The following COL12A1 variants were observed in gnomAD, a reference collection of about 807,000 sequenced individuals.
COL12A1 encodes the protein collagen alpha-1(XII) chain.
A neutral mutation model predicts 349.7 loss-of-function variants in COL12A1; 114 were observed. The ratio of observed to expected loss-of-function variants is 0.33; its 90% confidence interval spans 0.28 to 0.38. The LOEUF (loss-of-function observed/expected upper bound fraction) is 0.38. Among genes scored for constraint, COL12A1 ranks in the 10% least tolerant of loss-of-function variants. COL12A1 has a pLI of 1.00. For missense variants in COL12A1, 3,284 were observed against 3,756.9 expected (o/e 0.87, Z 3.29); for synonymous variants, 1,369 against 1,329.0 (o/e 1.03, Z -0.66).
At chr6:75,125,485 T>C (rs1324995146) in intron 39 of COL12A1, among the ~76,000 whole-genome samples, 1 of 152,172 alleles carries the variant, frequency 6.6e-6, no homozygotes. Context: ...TCTCAAAGCA[T>C]AGCACAGTAT....
At chr6:75,130,679 G>A (rs1002852711) in intron 36 of COL12A1, among the ~76,000 whole-genome samples, 173 bp downstream of exon 36, 3 of 152,058 alleles carry the variant, frequency 2.0e-5, no homozygotes, top group South Asian at 2.1e-4. Context: ...AGAAGTTCAC[G>A]TCACACAAAC....
At position 75,189,581 on chromosome 6, in the gene COL12A1, A is replaced by ATTT; in HGVS notation, c.626_628dup (p.Lys209dup). 1 of 1,612,632 alleles carries ATTT rather than the reference A, an allele frequency of 6.2e-7. No homozygotes were observed. The highest frequency in any genetic ancestry group is 8.5e-7 in the Non-Finnish European group (1 of 1,179,182). On this transcript the variant is annotated inframe_insertion, in exon 6 of 66. Coordinates refer to ENST00000322507, the MANE Select transcript of COL12A1 (RefSeq NM_004370.6). ...CATTGTGTTGCCACCTTTATATGGA[A>ATTT]TTTTTTTTATTGCAGCAAGAAGTTC...
chr6:75,134,784 G>A lies in COL12A1; in HGVS notation c.5466C>T (p.Thr1822=), dbSNP rs373978519. The A allele has an allele frequency of 5.3e-5, 85 of 1,613,086 alleles. 1 individual carries two copies. The highest frequency in any genetic ancestry group is 1.5e-4 in the African/African-American group (11 of 74,876). The change falls in exon 32 of 66, where the codon ACC becomes ACT. Residue 1822 remains threonine (T), a synonymous_variant. Transcript: ENST00000322507. The part of the protein sequence containing the change: ...KLKPDTPYTI[T]VSSLYPDGEG... Reference sequence around the variant, plus strand: ...CACCATCAGGATACAGAGAGGATACGGTGATAGTGTAAGGAGTGTCTGGCT... The same window carrying A: ...CACCATCAGGATACAGAGAGGATACAGTGATAGTGTAAGGAGTGTCTGGCT...
rs1314518223 is a variant in COL12A1, at chr6:75,137,289, A to G, written c.5394+148T>C. Reference sequence around the variant, plus strand: ...ATGATGGCAATCCACGTGGAGTGCCAGCTAAAGAGTCAGATTATTCCATCC... The same window carrying G: ...ATGATGGCAATCCACGTGGAGTGCCGGCTAAAGAGTCAGATTATTCCATCC... On this transcript the variant is annotated intron_variant, in intron 31 of 65. Coordinates refer to ENST00000322507, the MANE Select transcript of COL12A1 (RefSeq NM_004370.6). 5.6e-6 allele frequency: 4 copies of G among 708,362 alleles called. No homozygotes were observed. The East Asian group carries it at 8.6e-5, about 15-fold the overall frequency. 43.9% of individuals were successfully genotyped at this position (708,362 alleles called of 1,614,324 possible).
intron 36 of COL12A1, among the ~76,000 whole-genome samples, chr6:75,130,649 C>T (rs1582098283): frequency 6.6e-6 from 1 of 152,040 alleles, no homozygotes; most frequent in Non-Finnish European, 1.5e-5. Context: ...ACTCATGTCC[C>T]AAATGAGAAC....
chr6:75,131,281 A>G (rs1016725065), intron 35 of COL12A1, among the ~76,000 whole-genome samples: 1 of 152,184 alleles, frequency 6.6e-6, no homozygotes, highest in Non-Finnish European at 1.5e-5. Flanking sequence ...TCCCCAAAAA[A>G]CATCCTGCAT....
Position 75,152,117 on chromosome 6 carries a change from C to A in COL12A1, c.3835+14G>T. 1 of 1,613,806 alleles carries A rather than the reference C, an allele frequency of 6.2e-7. No homozygotes were observed. The highest frequency in any genetic ancestry group is 2.2e-5 in the East Asian group (1 of 44,872). On this transcript the variant is annotated intron_variant, in intron 19 of 65. Transcript: ENST00000322507. ...AAGCATGAGCTGAAAGACTGTCAGA[C>A]AGTCCTTACTCACCTGTGAGAGTAT... is the stretch of plus-strand genomic sequence containing the variant.
chr6:75,203,243 C>T lies in COL12A1; in HGVS notation c.-35-416G>A, dbSNP rs572924795. ...CTGATGAACTCTTTAGGTAACTGTA[C>T]TTTAGTGGTCTCAGGGTAATTTGGA... is the stretch of plus-strand genomic sequence containing the variant. On this transcript the variant is annotated intron_variant, in intron 1 of 65. Transcript: ENST00000322507. Among the ~76,000 whole-genome samples the T allele has an allele frequency of 2.1e-4, 32 of 152,242 alleles. No individual in the cohort carries two copies. In the South Asian group the frequency reaches 6.0e-3, roughly 29 times the overall value.
rs775424873 is a variant in COL12A1, at chr6:75,086,545, T to G, written c.*2A>C. 1.9e-6 allele frequency: 3 copies of G among 1,607,482 alleles called. No homozygotes were observed. The South Asian group carries it at 3.3e-5, about 18-fold the overall frequency. The stretch of plus-strand genomic sequence containing the variant: ...AGCAGCACTGGCGACTTAGAAAATG[T>G]GTTAGCCGGAACCTGAAACAGGTCA... On this transcript the variant is annotated 3_prime_UTR_variant, in exon 66 of 66. Transcript: ENST00000322507.
At chr6:75,176,152 T>G (rs1768931356) in intron 12 of COL12A1, among the ~76,000 whole-genome samples, 1 of 151,854 alleles carries the variant, frequency 6.6e-6, no homozygotes, top group African/African-American at 2.4e-5. Flanking sequence ...AGAGAAAGCC[T>G]CCATAGCAGA....
intron 38 of COL12A1, 98 bp downstream of exon 38, chr6:75,128,197 TG>T: frequency 1.9e-6 from 2 of 1,045,442 alleles, no homozygotes; most frequent in South Asian, 5.3e-5. Flanking sequence ...TGAGATGTAT[TG>T]GTAAAGATAA....
At chr6:75,202,319 G>A (rs1015131724) in intron 2 of COL12A1, among the ~76,000 whole-genome samples, 2 of 152,236 alleles carry the variant, frequency 1.3e-5, no homozygotes, top group Non-Finnish European at 2.9e-5. Context: ...TTGGTTACCA[G>A]CCAAGCGAGC....
At chr6:75,102,193 G>T in intron 56 of COL12A1, 141 bp from the exon 57 acceptor site, 1 of 754,820 alleles carries the variant, frequency 1.3e-6, no homozygotes, top group Non-Finnish European at 2.2e-6. Context: ...GGGTATTTTT[G>T]AAAGGAGATG....
chr6:75,142,261 G>C, intron 26 of COL12A1, 100 bp from the exon 27 acceptor site: 1 of 1,412,432 alleles, frequency 7.1e-7, no homozygotes, highest in Non-Finnish European at 9.7e-7. Flanking sequence ...ATATAAAATT[G>C]TGATCAGAAA....
At chr6:75,109,588 C>G (rs1385082967) in intron 51 of COL12A1, among the ~76,000 whole-genome samples, 1 of 152,082 alleles carries the variant, frequency 6.6e-6, no homozygotes, top group Non-Finnish European at 1.5e-5. Context: ...ATTCAACTTT[C>G]AGTTTGTTGT....
chr6:75,124,316 A>G lies in COL12A1; in HGVS notation c.6663T>C (p.Cys2221=). The G allele has an allele frequency of 6.2e-7, 1 of 1,613,690 alleles. No individual in the cohort carries two copies. The highest frequency in any genetic ancestry group is 2.2e-5 in the East Asian group (1 of 44,868). The change falls in exon 41 of 66, where the codon TGT becomes TGC. Residue 2221 remains cysteine (C), a synonymous_variant. Transcript: ENST00000322507. ...KTYQIGWDTF[C]VKWSPHRAAT... is the part of the protein sequence containing the mutation. ...CTGCCCGGTGAGGTGACCATTTGAC[A>G]CAGAATGTATCCCACCCAATCTGGT...
chr6:75,086,544 G>A lies in COL12A1; in HGVS notation c.*3C>T, dbSNP rs199859483. 3.1e-6 allele frequency: 5 copies of A among 1,606,826 alleles called. No homozygotes were observed. Among genetic ancestry groups the A allele is most frequent in the Admixed American group, 1.7e-5 (1 of 59,634 alleles). On this transcript the variant is annotated 3_prime_UTR_variant, in exon 66 of 66. Coordinates refer to ENST00000322507, the MANE Select transcript of COL12A1 (RefSeq NM_004370.6). Reference sequence around the variant, plus strand: ...AAGCAGCACTGGCGACTTAGAAAATGTGTTAGCCGGAACCTGAAACAGGTC... The same window carrying A: ...AAGCAGCACTGGCGACTTAGAAAATATGTTAGCCGGAACCTGAAACAGGTC...
intron 14 of COL12A1, among the ~76,000 whole-genome samples, chr6:75,160,037 T>C (rs984091695): frequency 2.6e-5 from 4 of 151,794 alleles, no homozygotes; most frequent in African/African-American, 9.7e-5. Context: ...CTAGTTTTAA[T>C]GGGAAACTGG....
intron 14 of COL12A1, among the ~76,000 whole-genome samples, chr6:75,163,692 G>A (rs2149435928): frequency 6.6e-6 from 1 of 152,050 alleles, no homozygotes; most frequent in African/African-American, 2.4e-5. Flanking sequence ...GAAAAAAATA[G>A]GACTTTCTGT....
Sources: allele counts gnomAD v4.1 joint callset (sites outside exome capture counted in the v4.1 genomes callset), GRCh38; gene constraint gnomAD v4.1.1; transcripts MANE v1.5; gene names NCBI Gene and HGNC (gene_info 2026-07-23, HGNC 2026-07-21).